Variants in SLC25A13 observed in about 807,000 individuals in gnomAD.
SLC25A13 encodes the protein solute carrier family 25 member 13, also known as electrogenic aspartate/glutamate antiporter SLC25A13, mitochondrial.
Under a neutral mutation model 85.5 loss-of-function variants are expected in SLC25A13, and 70 were observed. That is an observed-to-expected ratio of 0.82 (90% confidence interval 0.68 to 1.00). The LOEUF (loss-of-function observed/expected upper bound fraction) is 1.00. Among genes scored for constraint, SLC25A13 ranks in the 50% least tolerant of loss-of-function variants. SLC25A13 has a pLI of 0.00. For missense variants in SLC25A13, 765 were observed against 819.8 expected, an observed-to-expected ratio of 0.93 and a Z score of 0.82; for synonymous variants, 259 against 288.7, an observed-to-expected ratio of 0.90 and a Z score of 1.04.
chr7:96,205,432 A>C (rs1795422621), intron 5 of SLC25A13, among the ~76,000 whole-genome samples: 1 of 152,224 alleles, frequency 6.6e-6, no homozygotes, highest in Non-Finnish European at 1.5e-5. Context: ...ACATTCACAC[A>C]TACCATCATT....
In SLC25A13 at chr7:96,321,999, C is replaced by T. The variant is rs1004497973; in HGVS notation, c.-43G>A. Reference sequence around the variant, plus strand: ...GGCGACTGCGGGACCCACTGACTGGCTGGCTGGCGTTTGGGACCCGGGCGG... The same window carrying T: ...GGCGACTGCGGGACCCACTGACTGGTTGGCTGGCGTTTGGGACCCGGGCGG... On this transcript the variant is annotated 5_prime_UTR_variant, in exon 1 of 18. Coordinates refer to ENST00000265631, the MANE Select transcript of SLC25A13 (RefSeq NM_014251.3). 14 of 1,533,760 alleles carry T rather than the reference C, an allele frequency of 9.1e-6. No individual in the cohort carries two copies. The African/African-American group carries it at 1.6e-4, about 17-fold the overall frequency.
At chr7:96,215,699 G>A (rs575067534) in intron 4 of SLC25A13, among the ~76,000 whole-genome samples, 4 of 151,774 alleles carry the variant, frequency 2.6e-5, no homozygotes, top group African/African-American at 9.7e-5. Flanking sequence ...AGAAAATATA[G>A]GCATATTTTC....
chr7:96,165,492 T>C (rs1793704814), intron 13 of SLC25A13, among the ~76,000 whole-genome samples: 1 of 152,162 alleles, frequency 6.6e-6, no homozygotes, highest in Non-Finnish European at 1.5e-5. Flanking sequence ...ATCTGCCGCA[T>C]TCCAACACTT....
At chr7:96,222,744 C>T (rs1456448271) in intron 4 of SLC25A13, among the ~76,000 whole-genome samples, 1 of 151,988 alleles carries the variant, frequency 6.6e-6, no homozygotes, top group Non-Finnish European at 1.5e-5. Flanking sequence ...GCGCCCGGCT[C>T]TTTTTGTATT....
chr7:96,308,016 G>A lies in SLC25A13; in HGVS notation c.16-11065C>T, dbSNP rs550241473. 1.3e-4 allele frequency among the ~76,000 whole-genome samples: 20 copies of A among 152,100 alleles called. 1 individual carries two copies. In the South Asian group the frequency reaches 2.5e-3, roughly 19 times the overall value. On this transcript the variant is annotated intron_variant, in intron 1 of 17. Transcript: ENST00000265631. Reference sequence around the variant, plus strand: ...AAAATACAAAAATTTAGCCGGGCACGGTGGCACATGCCTGTAATCCCGGCT... The same window carrying A: ...AAAATACAAAAATTTAGCCGGGCACAGTGGCACATGCCTGTAATCCCGGCT...
At chr7:96,169,804 A>C (rs1018606310) in intron 13 of SLC25A13, 3 of 544,916 alleles carry the variant, frequency 5.5e-6, no homozygotes, top group Non-Finnish European at 9.8e-6. Context: ...ATTGCAGAAC[A>C]AACCATAAGC....
intron 2 of SLC25A13, 147 bp downstream of exon 2, chr7:96,296,751 G>C (rs1799365439): frequency 8.2e-6 from 6 of 733,080 alleles, no homozygotes; most frequent in Non-Finnish European, 1.4e-5. Flanking sequence ...AAAGTGCTGG[G>C]ATTACAGGCA....
intron 1 of SLC25A13, among the ~76,000 whole-genome samples, chr7:96,309,048 G>C (rs2117021458): frequency 6.6e-6 from 1 of 152,302 alleles, no homozygotes; most frequent in Non-Finnish European, 1.5e-5. Flanking sequence ...CTCAAACTCA[G>C]AATCAACATC....
intron 3 of SLC25A13, among the ~76,000 whole-genome samples, chr7:96,236,895 A>G (rs1796764588): frequency 6.6e-6 from 1 of 152,238 alleles, no homozygotes; most frequent in Non-Finnish European, 1.5e-5. Flanking sequence ...TGGAACCAAC[A>G]TAGCTGACTG....
intron 3 of SLC25A13, among the ~76,000 whole-genome samples, chr7:96,269,422 A>G (rs1333151243): frequency 1.3e-5 from 2 of 152,250 alleles, no homozygotes; most frequent in African/African-American, 4.8e-5. Context: ...CCATGCCCTC[A>G]CAGAGACAGT....
intron 14 of SLC25A13, among the ~76,000 whole-genome samples, chr7:96,136,309 CA>C (rs1164961759): frequency 2.0e-5 from 3 of 152,158 alleles, no homozygotes; most frequent in Non-Finnish European, 4.4e-5. Context: ...CATATCATGG[CA>C]AAAGAATCAT....
At chr7:96,193,332 C>T (rs1456708497) in intron 5 of SLC25A13, 149 bp from the exon 6 acceptor site, 21 of 926,354 alleles carry the variant, frequency 2.3e-5, no homozygotes, top group Non-Finnish European at 3.4e-5. Flanking sequence ...CACCAAGCTA[C>T]TGTCTCCTTC....
intron 2 of SLC25A13, among the ~76,000 whole-genome samples, chr7:96,293,836 T>G (rs536247239): frequency 1.3e-3 from 200 of 152,354 alleles, no homozygotes; most frequent in South Asian, 3.5e-3. Context: ...TTGGTGGGAC[T>G]GTAAACTAGT....
At chr7:96,299,218 T>G (rs1203819289) in intron 1 of SLC25A13, among the ~76,000 whole-genome samples, 1 of 152,202 alleles carries the variant, frequency 6.6e-6, no homozygotes, top group Non-Finnish European at 1.5e-5. Context: ...ACATTTCTGC[T>G]TAAGGATCCT....
chr7:96,167,611 A>G (rs1361249086), intron 13 of SLC25A13, among the ~76,000 whole-genome samples: 4 of 152,222 alleles, frequency 2.6e-5, no homozygotes, highest in African/African-American at 7.2e-5. Flanking sequence ...AGGGACTTAA[A>G]AGTCAACACC....
Position 96,258,105 on chromosome 7 carries a change from C to G in SLC25A13, c.212+19091G>C, listed in dbSNP as rs1797709920. The stretch of plus-strand genomic sequence containing the variant: ...GAGCTATTTACGACAAACGGACAGC[C>G]AATATCATACTAAATGGGCAAAAAC... On this transcript the variant is annotated intron_variant, in intron 3 of 17. Coordinates refer to ENST00000265631, the MANE Select transcript of SLC25A13 (RefSeq NM_014251.3). Among the ~76,000 whole-genome samples the G allele has an allele frequency of 2.0e-5, 3 of 152,122 alleles. No individual in the cohort carries two copies. In the South Asian group the frequency reaches 6.2e-4, roughly 32 times the overall value.
chr7:96,211,179 T>C (rs1380928738), intron 4 of SLC25A13, among the ~76,000 whole-genome samples: 1 of 152,200 alleles, frequency 6.6e-6, no homozygotes, highest in Non-Finnish European at 1.5e-5. Context: ...TTATCTATAA[T>C]TAAAGTAACT....
chr7:96,232,143 C>T (rs1456163489), intron 4 of SLC25A13, among the ~76,000 whole-genome samples: 1 of 152,114 alleles, frequency 6.6e-6, no homozygotes, highest in Non-Finnish European at 1.5e-5. Flanking sequence ...CATATGTTCA[C>T]CGTAGCACTA....
At chr7:96,281,582 C>T (rs1391005379) in intron 2 of SLC25A13, among the ~76,000 whole-genome samples, 1 of 152,010 alleles carries the variant, frequency 6.6e-6, no homozygotes, top group East Asian at 1.9e-4. Context: ...ACTGGTTACC[C>T]TTGGTGGGTG....
Sources: allele counts gnomAD v4.1 joint callset (sites outside exome capture counted in the v4.1 genomes callset), GRCh38; gene constraint gnomAD v4.1.1; transcripts MANE v1.5; gene names NCBI Gene and HGNC (gene_info 2026-07-23, HGNC 2026-07-21).